The following KCNH1 variants were observed in gnomAD, a reference collection of about 807,000 sequenced individuals.
KCNH1 encodes the protein voltage-gated delayed rectifier potassium channel KCNH1.
A neutral mutation model predicts 69.2 loss-of-function variants in KCNH1; 27 were observed. That is an observed-to-expected ratio of 0.39 (90% CI 0.29 to 0.54). The LOEUF is 0.54. KCNH1 is among the 20% of genes least tolerant of loss of function. The pLI is 0.68. For synonymous variants in KCNH1, 456 were observed against 487.7 expected, an observed-to-expected ratio of 0.93 and a Z score of 0.86; for missense variants, 798 against 1,261.6, an observed-to-expected ratio of 0.63 and a Z score of 5.57.
intron 6 of KCNH1, among the ~76,000 whole-genome samples, chr1:211,005,140 C>G (rs1355709265): frequency 6.6e-6 from 1 of 151,992 alleles, no homozygotes; most frequent in East Asian, 1.9e-4. Context: ...AGAGACATTA[C>G]TTATGAACAA....
chr1:210,799,656 TA>T (rs1220748998), intron 8 of KCNH1, among the ~76,000 whole-genome samples: 1 of 152,246 alleles, frequency 6.6e-6, no homozygotes, highest in Admixed American at 6.5e-5. Context: ...TCTCCCATCC[TA>T]GCTTATGAGC....
At chr1:210,896,332 C>A (rs773819930) in intron 7 of KCNH1, among the ~76,000 whole-genome samples, 1 of 152,040 alleles carries the variant, frequency 6.6e-6, no homozygotes, top group South Asian at 2.1e-4. Flanking sequence ...CCCCTACCAT[C>A]AAAAATATAA....
Position 210,778,441 on chromosome 1 carries a change from T to C in KCNH1, c.1916-2897A>G, listed in dbSNP as rs559737598. Among the ~76,000 whole-genome samples, 201 of 150,384 alleles carry C rather than the reference T, an allele frequency of 1.3e-3. 1 individual carries two copies. The highest frequency in any genetic ancestry group is 4.7e-3 in the African/African-American group (191 of 40,920). On this transcript the variant is annotated intron_variant, in intron 9 of 10. Transcript: ENST00000271751. ...AGAAGGCTGAGATGGGAGGATTGCT[T>C]GAACCCAGGAATCCAGGAGTTTGAG...
intron 6 of KCNH1, among the ~76,000 whole-genome samples, chr1:210,979,142 C>A (rs1478186522): frequency 6.6e-6 from 1 of 152,168 alleles, no homozygotes; most frequent in Non-Finnish European, 1.5e-5. Flanking sequence ...TCAATCAAGT[C>A]AATTCAGCAA....
At chr1:210,855,871 C>T (rs1049445534) in intron 7 of KCNH1, among the ~76,000 whole-genome samples, 3 of 152,084 alleles carry the variant, frequency 2.0e-5, no homozygotes, top group Non-Finnish European at 2.9e-5. Flanking sequence ...ACCTGGGTGG[C>T]TCATTCATTT....
At chr1:210,782,491 C>T (rs569184072) in intron 9 of KCNH1, among the ~76,000 whole-genome samples, 3 of 152,130 alleles carry the variant, frequency 2.0e-5, no homozygotes, top group Non-Finnish European at 2.9e-5. Context: ...TTTGGGAGGC[C>T]GAGGTGGGCA....
intron 6 of KCNH1, among the ~76,000 whole-genome samples, chr1:211,004,455 T>G (rs1370820616): frequency 2.0e-5 from 3 of 152,028 alleles, no homozygotes; most frequent in Non-Finnish European, 4.4e-5. Context: ...TAGGAAGGGG[T>G]ACAAGTACTA....
Position 210,849,874 on chromosome 1 carries a change from G to A in KCNH1, c.1463-45708C>T, listed in dbSNP as rs186028288. Among the ~76,000 whole-genome samples, 12 of 152,044 alleles carry A rather than the reference G, an allele frequency of 7.9e-5. No individual in the cohort carries two copies. The East Asian group carries it at 2.3e-3, about 29-fold the overall frequency. On this transcript the variant is annotated intron_variant, in intron 7 of 10. Coordinates refer to ENST00000271751, the MANE Select transcript of KCNH1 (RefSeq NM_172362.3). ...TGTGATTTAAGTGTAAGTCCATGGAGCACATGGTAAACCACAGCACTGTGT... is the reference window on the plus strand; with the variant it reads ...TGTGATTTAAGTGTAAGTCCATGGAACACATGGTAAACCACAGCACTGTGT...
At chr1:210,720,738 T>A (rs1454401688) in intron 10 of KCNH1, among the ~76,000 whole-genome samples, 1 of 152,152 alleles carries the variant, frequency 6.6e-6, no homozygotes, top group Non-Finnish European at 1.5e-5. Context: ...CCAAATCCCT[T>A]TCTCAAGGGA....
At chr1:210,998,962 C>T (rs912393641) in intron 6 of KCNH1, among the ~76,000 whole-genome samples, 4 of 152,060 alleles carry the variant, frequency 2.6e-5, no homozygotes, top group South Asian at 2.1e-4. Flanking sequence ...TCTTTGAAAC[C>T]GATGAGAACA....
At chr1:211,120,110 A>G (rs993378288) in intron 1 of KCNH1, among the ~76,000 whole-genome samples, 1 of 152,224 alleles carries the variant, frequency 6.6e-6, no homozygotes, top group Non-Finnish European at 1.5e-5. Context: ...ATTACTGCTA[A>G]GAAATATTTG....
At chr1:210,966,645 A>C (rs1688408479) in intron 6 of KCNH1, among the ~76,000 whole-genome samples, 1 of 152,252 alleles carries the variant, frequency 6.6e-6, no homozygotes, top group African/African-American at 2.4e-5. Flanking sequence ...TCATCAGACA[A>C]ATGCAAATCA....
intron 5 of KCNH1, among the ~76,000 whole-genome samples, chr1:211,072,976 C>T (rs564021310): frequency 2.0e-5 from 3 of 152,218 alleles, no homozygotes; most frequent in African/African-American, 7.2e-5. Context: ...ATGTCGTCTA[C>T]AGAAAGTCAC....
intron 6 of KCNH1, among the ~76,000 whole-genome samples, chr1:210,952,316 C>G (rs551398507): frequency 2.4e-4 from 37 of 152,326 alleles, no homozygotes; most frequent in African/African-American, 8.9e-4. Flanking sequence ...TCTTTCCTTT[C>G]TCCCTGGTGC....
intron 8 of KCNH1, among the ~76,000 whole-genome samples, chr1:210,802,141 T>C: frequency 6.6e-6 from 1 of 152,176 alleles, no homozygotes; most frequent in East Asian, 1.9e-4. Context: ...ACAACAAATA[T>C]CTGTTCTTAA....
At chr1:210,838,252 C>G (rs992391520) in intron 7 of KCNH1, among the ~76,000 whole-genome samples, 9 of 152,106 alleles carry the variant, frequency 5.9e-5, no homozygotes, top group African/African-American at 1.9e-4. Flanking sequence ...GAAAGTATTC[C>G]CTATTTAATA....
intron 5 of KCNH1, among the ~76,000 whole-genome samples, chr1:211,043,254 A>G (rs1368359299): frequency 6.6e-6 from 1 of 152,238 alleles, no homozygotes; most frequent in African/African-American, 2.4e-5. Flanking sequence ...AACCTCACTA[A>G]GAAACGAAAC....
chr1:211,126,687 C>CAAAAAA (rs71571980), intron 1 of KCNH1, among the ~76,000 whole-genome samples: 18 of 64,946 alleles, frequency 2.8e-4, no homozygotes, highest in African/African-American at 9.0e-4. Context: ...TATAATATCT[C>CAAAAAA]AAAAAAAAAA....
At chr1:210,748,190 G>A (rs1193594543) in intron 10 of KCNH1, among the ~76,000 whole-genome samples, 3 of 152,182 alleles carry the variant, frequency 2.0e-5, no homozygotes, top group Admixed American at 6.5e-5. Context: ...CCTGTGTCCA[G>A]GTGGCCTTCA....
Sources: allele counts gnomAD v4.1 joint callset (sites outside exome capture counted in the v4.1 genomes callset), GRCh38; gene constraint gnomAD v4.1.1; transcripts MANE v1.5; gene names NCBI Gene and HGNC (gene_info 2026-07-23, HGNC 2026-07-21).